Variants in LRRC39 observed in about 807,000 individuals in gnomAD.
LRRC39 encodes the protein leucine-rich repeat-containing protein 39.
A neutral mutation model predicts 39.7 loss-of-function variants in LRRC39; 35 were observed. The ratio of observed to expected loss-of-function variants is 0.88; its 90% confidence interval spans 0.67 to 1.17. The LOEUF is 1.17. Among genes scored for constraint, LRRC39 ranks in the 50% most tolerant of loss-of-function variants. LRRC39 has a pLI of 0.00. For missense variants in LRRC39, 357 were observed against 385.8 expected (o/e 0.93, Z 0.62); for synonymous variants, 113 against 134.1 (o/e 0.84, Z 1.09).
At chr1:100,166,481 T>A (rs1659252091) in intron 3 of LRRC39, among the ~76,000 whole-genome samples, 1 of 152,150 alleles carries the variant, frequency 6.6e-6, no homozygotes, top group Admixed American at 6.5e-5. Context: ...GAGGAACTTG[T>A]TGGGAACTGG....
intron 4 of LRRC39, among the ~76,000 whole-genome samples, chr1:100,159,994 CAAGGGTTAG>C (rs1271649983): frequency 6.6e-6 from 1 of 152,000 alleles, no homozygotes; most frequent in Non-Finnish European, 1.5e-5. Flanking sequence ...AACACTGACC[CAAGGGTTAG>C]AAGCTCTTGT....
intron 9 of LRRC39, chr1:100,149,470 T>C: frequency 6.6e-7 from 1 of 1,523,076 alleles, no homozygotes; most frequent in Non-Finnish European, 8.8e-7. Flanking sequence ...TTCACTTAAT[T>C]ATTTTGTTGG....
At chr1:100,152,210 T>C (rs59631386) in intron 9 of LRRC39, among the ~76,000 whole-genome samples, 175 bp downstream of exon 9, 4,898 of 152,286 alleles carry the variant, frequency 0.032, 289 homozygotes, top group African/African-American at 0.11. Flanking sequence ...TTAAAACCTC[T>C]CTCTCTATTT....
intron 3 of LRRC39, 64 bp downstream of exon 3, chr1:100,168,340 T>G: frequency 8.2e-7 from 1 of 1,225,464 alleles, no homozygotes; most frequent in Non-Finnish European, 1.1e-6. Flanking sequence ...TAGAATGCTC[T>G]TTTTTATGGT....
At chr1:100,157,328 T>G (rs1658533411) in intron 6 of LRRC39, among the ~76,000 whole-genome samples, 1 of 152,158 alleles carries the variant, frequency 6.6e-6, no homozygotes, top group Non-Finnish European at 1.5e-5. Flanking sequence ...GGGGTTTCCC[T>G]TTGCACTTGG....
In LRRC39 at chr1:100,156,696, G is replaced by A. The variant is rs543138131; in HGVS notation, c.514-379C>T. ...CATTTAACTTCCAAATAATAGTGGT[G>A]GAGGAAAGGGGTAGCTCATGCCTAT... On this transcript the variant is annotated intron_variant, in intron 6 of 9. Transcript: ENST00000370137. 5.3e-5 allele frequency among the ~76,000 whole-genome samples: 8 copies of A among 152,326 alleles called. No homozygotes were observed. The South Asian group carries it at 1.4e-3, about 28-fold the overall frequency.
rs765193091 is a variant in LRRC39, at chr1:100,149,389, T to C, written c.953-292A>G. On this transcript the variant is annotated intron_variant, in intron 9 of 9. Coordinates refer to ENST00000370137, the MANE Select transcript of LRRC39 (RefSeq NM_144620.4). Reference sequence around the variant, plus strand: ...ACCTTCAAATTTCCAGAGCCATACATGTATATATTGTCAGAATCTGTCCAT... The same window carrying C: ...ACCTTCAAATTTCCAGAGCCATACACGTATATATTGTCAGAATCTGTCCAT... The C allele has an allele frequency of 2.6e-6, 4 of 1,546,464 alleles. No homozygotes were observed. The South Asian group carries it at 3.6e-5, about 14-fold the overall frequency.
At chr1:100,178,746 A>G (rs182254342), upstream of LRRC39, among the ~76,000 whole-genome samples, 38 of 152,338 alleles carry the variant, frequency 2.5e-4, no homozygotes, top group East Asian at 6.4e-3. Context: ...TTCTTAAAAA[A>G]TAAACTATAT....
intron 6 of LRRC39, among the ~76,000 whole-genome samples, chr1:100,157,831 T>A (rs987688894): frequency 6.6e-6 from 1 of 152,230 alleles, no homozygotes; most frequent in Non-Finnish European, 1.5e-5. Flanking sequence ...CAAGACATCA[T>A]ACCAAATCAA....
upstream of LRRC39, among the ~76,000 whole-genome samples, chr1:100,178,997 C>T (rs1470883209): frequency 6.6e-6 from 1 of 152,124 alleles, no homozygotes; most frequent in Non-Finnish European, 1.5e-5. Flanking sequence ...AAGGCATGCA[C>T]ACATACAAAA....
intron 9 of LRRC39, among the ~76,000 whole-genome samples, chr1:100,151,558 A>ATTAAGTTGAACTAAAATCTACCTT (rs1398693089): frequency 1.3e-5 from 2 of 152,224 alleles, no homozygotes; most frequent in African/African-American, 4.8e-5. Flanking sequence ...TAGTTGTTGC[A>ATTAAGTTGAACTAAAATCTACCTT]TTAAGTTGAA....
chr1:100,155,814 C>T (rs1658407679), intron 7 of LRRC39, among the ~76,000 whole-genome samples: 1 of 152,110 alleles, frequency 6.6e-6, no homozygotes. Flanking sequence ...TTTCTTCATC[C>T]ACTTGTAAAG....
chr1:100,149,530 C>T, intron 9 of LRRC39: 1 of 1,233,002 alleles, frequency 8.1e-7, no homozygotes, highest in South Asian at 1.6e-5. Flanking sequence ...ACATAATTCA[C>T]AAATTTGAAA....
In LRRC39 at chr1:100,159,287, G is replaced by GT; in HGVS notation, c.347dup (p.Asn116LysfsTer15). The GT allele has an allele frequency of 6.9e-6, 11 of 1,605,816 alleles. No individual in the cohort carries two copies. Among genetic ancestry groups the GT allele is most frequent in the Non-Finnish European group, 8.5e-6 (10 of 1,176,326 alleles). On this transcript the variant is annotated frameshift_variant, in exon 5 of 10. Transcript: ENST00000370137. LOFTEE classifies it high-confidence loss of function. ...TCCCTGGTGGTATCTCTGAAATTGTGTTTCGAGATAAATCTAACACAATGA... is the reference window on the plus strand; with the variant it reads ...TCCCTGGTGGTATCTCTGAAATTGTGTTTTCGAGATAAATCTAACACAATGA...
chr1:100,150,915 G>A (rs147072805), intron 9 of LRRC39, among the ~76,000 whole-genome samples: 3,188 of 152,148 alleles, frequency 0.021, 56 homozygotes, highest in Middle Eastern at 0.065. Context: ...ATCACCTGAG[G>A]TCAGGAGTTC....
At chr1:100,154,519 G>A (rs1658309505) in intron 8 of LRRC39, among the ~76,000 whole-genome samples, 1 of 152,152 alleles carries the variant, frequency 6.6e-6, no homozygotes, top group Admixed American at 6.5e-5. Flanking sequence ...TAACATACAA[G>A]TGACACTCCC....
chr1:100,178,633 T>C (rs1227098593), upstream of LRRC39, among the ~76,000 whole-genome samples: 2 of 152,208 alleles, frequency 1.3e-5, no homozygotes, highest in East Asian at 1.9e-4. Context: ...TGGATAAGCA[T>C]GAGTAACACA....
intron 9 of LRRC39, chr1:100,149,499 C>T (rs1657737715): frequency 7.0e-7 from 1 of 1,438,032 alleles, no homozygotes; most frequent in African/African-American, 1.4e-5. Context: ...CTAGTTAGAA[C>T]TTCCAAAAAG....
chr1:100,155,769 A>G (rs551639100), intron 7 of LRRC39, among the ~76,000 whole-genome samples: 51 of 152,272 alleles, frequency 3.3e-4, no homozygotes, highest in African/African-American at 1.2e-3. Context: ...CCCACTTACT[A>G]ACTTGAGCGA....
Sources: gnomAD v4.1 joint callset for allele counts (sites outside exome capture counted in the v4.1 genomes callset) on GRCh38, gnomAD v4.1.1 for gene constraint, MANE v1.5 for transcripts, NCBI Gene and HGNC (gene_info 2026-07-23, HGNC 2026-07-21) for gene names.